The following TIAM2 variants were observed in gnomAD, a reference collection of about 807,000 sequenced individuals.
TIAM2 encodes the protein TIAM Rac1 associated GEF 2.
A neutral mutation model predicts 152.9 loss-of-function variants in TIAM2; 80 were observed. That is an observed-to-expected ratio of 0.52 (90% CI 0.44 to 0.63). TIAM2 has a LOEUF of 0.63. TIAM2 is among the 30% of genes least tolerant of loss of function. The pLI is 0.00. For missense variants in TIAM2, 1,965 were observed against 2,120.1 expected (o/e 0.93, Z 1.44); for synonymous variants, 804 against 838.0 (o/e 0.96, Z 0.70).
intron 19 of TIAM2, among the ~76,000 whole-genome samples, chr6:155,247,338 GT>G (rs1358517138): frequency 6.6e-6 from 1 of 151,158 alleles, no homozygotes; most frequent in African/African-American, 2.4e-5. Context: ...TTTTGATGTT[GT>G]TTTTTTTGAG....
At chr6:155,028,858 G>A (rs111210717) in intron 1 of TIAM2, among the ~76,000 whole-genome samples, 10,561 of 74,548 alleles carry the variant, frequency 0.14, 2,243 homozygotes, top group South Asian at 0.25. Context: ...TATATACACT[G>A]TATATACTAT....
chr6:155,097,833 T>C (rs1367821818), intron 2 of TIAM2, among the ~76,000 whole-genome samples: 2 of 152,216 alleles, frequency 1.3e-5, no homozygotes, highest in Non-Finnish European at 2.9e-5. Flanking sequence ...TGATTTATTG[T>C]GTATAGTGAG....
Position 155,214,362 on chromosome 6 carries a change from TC to T in TIAM2, c.3168+3059del, listed in dbSNP as rs1781801940. Among the ~76,000 whole-genome samples, 1 of 152,146 alleles carries T rather than the reference TC, an allele frequency of 6.6e-6. No individual in the cohort carries two copies. The highest frequency in any genetic ancestry group is 1.5e-5 in the Non-Finnish European group (1 of 68,016). Reference sequence around the variant, plus strand: ...GCATACCTTTTGGGGGTTGGTGACATCCCCTGTGTGTGAGGGACCAGGTTAG... The same window carrying T: ...GCATACCTTTTGGGGGTTGGTGACATCCCTGTGTGTGAGGGACCAGGTTAG... On this transcript the variant is annotated intron_variant, in intron 15 of 26. Transcript: ENST00000682666. This position sits in a 1 kb window ranked among gnomAD's most constrained non-coding sequence, Gnocchi z 5.4.
chr6:155,081,852 T>C (rs983854547), intron 1 of TIAM2, among the ~76,000 whole-genome samples: 7 of 152,244 alleles, frequency 4.6e-5, no homozygotes, highest in Non-Finnish European at 8.8e-5. Context: ...ATCCCTCTTG[T>C]AGGGTAGCTG....
chr6:155,161,155 TTA>T (rs1780258127), intron 7 of TIAM2, among the ~76,000 whole-genome samples: 1 of 152,130 alleles, frequency 6.6e-6, no homozygotes, highest in Non-Finnish European at 1.5e-5. Context: ...TGATAAAACT[TTA>T]TGATTCCCTG....
At chr6:155,144,998 G>A (rs1172893213) in intron 6 of TIAM2, among the ~76,000 whole-genome samples, 1 of 152,196 alleles carries the variant, frequency 6.6e-6, no homozygotes, top group East Asian at 1.9e-4. Context: ...TGCCTCTGAA[G>A]TCCCAGGCTG....
chr6:155,229,933 G>C (rs1311201672), intron 15 of TIAM2, among the ~76,000 whole-genome samples: 1 of 151,850 alleles, frequency 6.6e-6, no homozygotes, highest in Admixed American at 6.6e-5. Context: ...TCACTATCAC[G>C]AGTACAGCAT....
chr6:155,031,350 C>T (rs1279853646), intron 1 of TIAM2, among the ~76,000 whole-genome samples: 1 of 152,154 alleles, frequency 6.6e-6, no homozygotes. Flanking sequence ...CTTCACATAA[C>T]TTTTGCTATT....
At chr6:155,047,704 A>AG (rs1442589416) in intron 1 of TIAM2, among the ~76,000 whole-genome samples, 27 of 82,216 alleles carry the variant, frequency 3.3e-4, no homozygotes, top group African/African-American at 1.3e-3. Context: ...AGAGAGAGAG[A>AG]GCGAGAGAGA....
rs772490486 is a variant in TIAM2 at position 155,130,367 on chromosome 6, C to T, written c.1144C>T (p.Arg382Trp). ...GGACTCCCTCAAAGCCAGGATGCGACGGATCAGTGACTGGACGGGAAGCCT... is the reference window on the plus strand; with the variant it reads ...GGACTCCCTCAAAGCCAGGATGCGATGGATCAGTGACTGGACGGGAAGCCT... ...KKDSLKARMR[R>W]ISDWTGSLSR... The change falls in exon 4 of 27, where the codon CGG becomes TGG. Residue 382 changes from arginine to tryptophan, a missense_variant. Coordinates refer to ENST00000682666, the MANE Select transcript of TIAM2 (RefSeq NM_012454.4). 1.4e-5 allele frequency: 22 copies of T among 1,613,898 alleles called. No homozygotes were observed. The highest frequency in any genetic ancestry group is 5.0e-5 in the Admixed American group (3 of 59,994).
chr6:155,064,657 C>T (rs1777650291), intron 1 of TIAM2, among the ~76,000 whole-genome samples: 1 of 152,168 alleles, frequency 6.6e-6, no homozygotes, highest in South Asian at 2.1e-4. Context: ...AAGGTTGGAA[C>T]TTTAAAGCTG....
chr6:155,083,217 C>T (rs181541682), intron 1 of TIAM2, among the ~76,000 whole-genome samples: 9 of 151,944 alleles, frequency 5.9e-5, no homozygotes, highest in Admixed American at 1.3e-4. Flanking sequence ...GGGATGGTGG[C>T]GTGCACCTGT....
At chr6:155,115,029 T>A (rs1778977614) in intron 2 of TIAM2, among the ~76,000 whole-genome samples, 4 of 152,014 alleles carry the variant, frequency 2.6e-5, no homozygotes, top group Admixed American at 2.0e-4. Context: ...GGTTTCACCA[T>A]GTTGGCCAGG....
rs760724108 is a variant in TIAM2 at position 155,164,512 on chromosome 6, CAA to C, written c.2128_2129del (p.Lys710GlufsTer32). On this transcript the variant is annotated frameshift_variant, in exon 8 of 27. Transcript: ENST00000682666. LOFTEE classifies it high-confidence loss of function. Reference sequence around the variant, plus strand: ...CTACAAGGTGGGGAGTTACCGAACCCAAAGAGTCTCCTTGCAGCCGCCAGCCG... The same window carrying C: ...CTACAAGGTGGGGAGTTACCGAACCCAGAGTCTCCTTGCAGCCGCCAGCCG... 18 of 1,614,034 alleles carry C rather than the reference CAA, an allele frequency of 1.1e-5. No homozygotes were observed. The highest frequency in any genetic ancestry group is 1.4e-5 in the Non-Finnish European group (17 of 1,180,040).
chr6:155,033,388 A>C (rs1776859583), intron 1 of TIAM2, among the ~76,000 whole-genome samples: 1 of 152,166 alleles, frequency 6.6e-6, no homozygotes, highest in Non-Finnish European at 1.5e-5. Flanking sequence ...TTTGCTTTTG[A>C]GCAACTTTAT....
intron 15 of TIAM2, among the ~76,000 whole-genome samples, chr6:155,220,620 C>T (rs1055834511): frequency 5.9e-5 from 9 of 152,174 alleles, no homozygotes; most frequent in African/African-American, 2.2e-4. Context: ...GCACTTTCGT[C>T]AGCACAACTG....
chr6:155,027,997 CTATA>C (rs1485068487), intron 1 of TIAM2, among the ~76,000 whole-genome samples: 1 of 97,744 alleles, frequency 1.0e-5, no homozygotes, highest in Middle Eastern at 0.016. Context: ...TACATATATA[CTATA>C]TATAATATAT....
chr6:155,060,857 TG>T (rs1402723647), intron 1 of TIAM2, among the ~76,000 whole-genome samples: 1 of 152,230 alleles, frequency 6.6e-6, no homozygotes, highest in Non-Finnish European at 1.5e-5. Context: ...ATCGTGCCAT[TG>T]CGCTCCAGCA....
At chr6:155,096,006 T>C (rs914768122) in intron 2 of TIAM2, among the ~76,000 whole-genome samples, 5 of 152,186 alleles carry the variant, frequency 3.3e-5, no homozygotes, top group Non-Finnish European at 7.4e-5. Flanking sequence ...CCAAAACTCA[T>C]TGTGTAGGTT....
Sources: allele counts gnomAD v4.1 joint callset (sites outside exome capture counted in the v4.1 genomes callset), GRCh38; gene constraint gnomAD v4.1.1; non-coding constraint Gnocchi (gnomAD v3.1); transcripts MANE v1.5; gene names NCBI Gene and HGNC (gene_info 2026-07-23, HGNC 2026-07-21).